The following CFAP47 variants were observed in gnomAD, a reference collection of about 807,000 sequenced individuals.
CFAP47 encodes cilia- and flagella-associated protein 47.
In CFAP47, 29 loss-of-function variants were observed where a neutral mutation model predicts 148.1. That is an observed-to-expected ratio of 0.20 (90% CI 0.15 to 0.27). The LOEUF (loss-of-function observed/expected upper bound fraction) is 0.27, where lower values mean the gene tolerates loss of function less well. Among genes scored for constraint, CFAP47 ranks in the 10% least tolerant of loss-of-function variants. The pLI is 1.00. For missense variants in CFAP47, 1,872 were observed against 1,697.5 expected (o/e 1.10, Z -1.81); for synonymous variants, 664 against 577.3 (o/e 1.15, Z -2.15).
At chrX:35,968,930 CT>C (rs1262152108) in intron 10 of CFAP47, among the ~76,000 whole-genome samples, 1 of 108,521 alleles carries the variant, frequency 9.2e-6, no homozygotes, top group Non-Finnish European at 1.9e-5. Context: ...TTTTTATGTA[CT>C]TTTTTCAACT....
At chrX:35,958,149 G>A (rs1216036644) in intron 8 of CFAP47, among the ~76,000 whole-genome samples, 1 of 111,594 alleles carries the variant, frequency 9.0e-6, no homozygotes, top group Non-Finnish European at 1.9e-5. Context: ...GGCATTTTGT[G>A]TATGGCTTCT....
chrX:36,042,481 A>G (rs1937417528), intron 25 of CFAP47, among the ~76,000 whole-genome samples: 1 of 111,150 alleles, frequency 9.0e-6, no homozygotes, highest in South Asian at 3.7e-4. Flanking sequence ...TTAAAATTCA[A>G]TATAATTTCA....
At chrX:36,169,121 A>G (rs1051681199) in intron 39 of CFAP47, among the ~76,000 whole-genome samples, 2 of 111,089 alleles carry the variant, frequency 1.8e-5, no homozygotes, top group African/African-American at 6.5e-5. Context: ...CCAGCATTTC[A>G]GATGGAAAGT....
chrX:35,935,583 T>A (rs894257888), intron 2 of CFAP47, among the ~76,000 whole-genome samples: 3 of 108,996 alleles, frequency 2.8e-5, no homozygotes, highest in African/African-American at 1.0e-4. Flanking sequence ...TTTTTTTTTT[T>A]TTTATATAGA....
At position 36,221,036 on chromosome X, in the gene CFAP47, A is replaced by G. The variant is rs151012357; in HGVS notation, c.6818-7592A>G. Among the ~76,000 whole-genome samples the G allele has an allele frequency of 6.1e-3, 686 of 111,750 alleles. 6 individuals carry two copies. Among genetic ancestry groups the G allele is most frequent in the Middle Eastern group, 0.033 (7 of 214 alleles). On this transcript the variant is annotated intron_variant, in intron 45 of 63. Coordinates refer to ENST00000378653, the MANE Select transcript of CFAP47 (RefSeq NM_001304548.2). The stretch of plus-strand genomic sequence containing the variant: ...GTAATTTAACAATGAACTTGAGACC[A>G]TTTAAAACTCAGAGATTTTGGTAAA...
At chrX:36,143,407 A>G (rs1464423884) in intron 35 of CFAP47, among the ~76,000 whole-genome samples, 1 of 111,943 alleles carries the variant, frequency 8.9e-6, no homozygotes, top group Non-Finnish European at 1.9e-5. Flanking sequence ...CACCTAGCAC[A>G]TTGGGTCTCC....
At chrX:36,021,151 C>T (rs907393341) in intron 22 of CFAP47, among the ~76,000 whole-genome samples, 2 of 111,238 alleles carry the variant, frequency 1.8e-5, no homozygotes, top group Non-Finnish European at 3.8e-5. Flanking sequence ...TGCTTTTTAA[C>T]TTTTTGTTGT....
At chrX:36,016,775 C>T (rs755909135) in intron 22 of CFAP47, among the ~76,000 whole-genome samples, 1 of 99,586 alleles carries the variant, frequency 1.0e-5, no homozygotes, top group East Asian at 3.2e-4. Flanking sequence ...TTTACATTCG[C>T]ATCAACGAAC....
rs751610450 is a variant in CFAP47, at chrX:36,100,834, A to G, written c.5127+955A>G. Among the ~76,000 whole-genome samples the G allele has an allele frequency of 2.7e-5, 3 of 111,910 alleles. No individual in the cohort carries two copies. The South Asian group carries it at 1.1e-3, about 42-fold the overall frequency. On this transcript the variant is annotated intron_variant, in intron 32 of 63. Coordinates refer to ENST00000378653, the MANE Select transcript of CFAP47 (RefSeq NM_001304548.2). ...AAGAAACTGAGTGTCACAGGCGCAC[A>G]TTCTTTCTTTCAAGATCACATGAAT...
At chrX:36,289,243 G>GC (rs1202909578) in intron 51 of CFAP47, among the ~76,000 whole-genome samples, 166 of 108,982 alleles carry the variant, frequency 1.5e-3, no homozygotes, top group African/African-American at 5.1e-3. Context: ...CAGATGATCT[G>GC]CCCCCCCGCC....
intron 42 of CFAP47, among the ~76,000 whole-genome samples, chrX:36,195,736 C>T (rs1939912856): frequency 9.0e-6 from 1 of 111,266 alleles, no homozygotes; most frequent in Admixed American, 9.6e-5. Context: ...CTATAAAGAT[C>T]AAACTTAATG....
intron 60 of CFAP47, among the ~76,000 whole-genome samples, chrX:36,357,839 G>A (rs1347115880): frequency 1.8e-5 from 2 of 111,338 alleles, no homozygotes; most frequent in African/African-American, 6.5e-5. Context: ...TTTTAGTCAT[G>A]CCCCTTAATT....
chrX:35,940,413 G>C (rs1304625445), intron 2 of CFAP47, among the ~76,000 whole-genome samples: 1 of 111,076 alleles, frequency 9.0e-6, no homozygotes, highest in Non-Finnish European at 1.9e-5. Flanking sequence ...TTCTTCTAGG[G>C]TTTTTATGGT....
intron 2 of CFAP47, among the ~76,000 whole-genome samples, chrX:35,927,596 GGTGT>G (rs371527797): frequency 0.011 from 1,128 of 106,285 alleles, 19 homozygotes; most frequent in African/African-American, 0.035. Context: ...GTTGAAGGAA[GGTGT>G]GTGTGTGTGT....
In CFAP47 at chrX:36,085,074, G is replaced by C. The variant is rs185078269; in HGVS notation, c.4692-240G>C. Among the ~76,000 whole-genome samples, 9 of 111,072 alleles carry C rather than the reference G, an allele frequency of 8.1e-5. No individual in the cohort carries two copies. The East Asian group carries it at 2.0e-3, about 24-fold the overall frequency. ...AATCTATTCATAATCTAATACTTCA[G>C]ATTTGACAGTTGCAACATTAGATAA... On this transcript the variant is annotated intron_variant, in intron 29 of 63. Coordinates refer to ENST00000378653, the MANE Select transcript of CFAP47 (RefSeq NM_001304548.2).
chrX:36,219,975 G>A (rs1940197257), intron 45 of CFAP47, among the ~76,000 whole-genome samples: 1 of 111,259 alleles, frequency 9.0e-6, no homozygotes, highest in Admixed American at 9.6e-5. Context: ...ACTGAGACCT[G>A]TCTCAGATTT....
At chrX:36,327,494 C>T (rs1164903398) in intron 57 of CFAP47, among the ~76,000 whole-genome samples, 1 of 111,503 alleles carries the variant, frequency 9.0e-6, no homozygotes, top group Non-Finnish European at 1.9e-5. Flanking sequence ...GTGGAGAAAA[C>T]CAAACTCTTC....
chrX:35,947,639 A>G (rs1436705596), intron 3 of CFAP47, among the ~76,000 whole-genome samples: 1 of 109,074 alleles, frequency 9.2e-6, no homozygotes, highest in African/African-American at 3.3e-5. Context: ...ACCTGCAGTG[A>G]GAAACTCTGG....
intron 57 of CFAP47, among the ~76,000 whole-genome samples, chrX:36,337,856 C>CTT (rs1196038760): frequency 0.057 from 3,340 of 58,299 alleles, 218 homozygotes; most frequent in East Asian, 0.12. Flanking sequence ...TTCCATAATC[C>CTT]TTTTTTTTTT....
Sources: allele counts gnomAD v4.1 joint callset (sites outside exome capture counted in the v4.1 genomes callset), GRCh38; gene constraint gnomAD v4.1.1; transcripts MANE v1.5; gene names NCBI Gene and HGNC (gene_info 2026-07-23, HGNC 2026-07-21).